Variants in SPRY3 observed in about 807,000 individuals in gnomAD.
The protein encoded by SPRY3 is sprouty RTK signaling antagonist 3.
Under a neutral mutation model 20.2 loss-of-function variants are expected in SPRY3, and 15 were observed. The ratio of observed to expected loss-of-function variants is 0.74; its 90% CI spans 0.50 to 1.14. The LOEUF is 1.14. SPRY3 is among the 50% of genes most tolerant of loss of function. The pLI, the probability that SPRY3 is intolerant of heterozygous loss-of-function variation, is 0.00. For missense variants in SPRY3, 364 were observed against 363.9 expected (o/e 1.00, Z 0.00); for synonymous variants, 143 against 136.5 (o/e 1.05, Z -0.33).
At chrX:155,754,960 T>TTGTG (rs751529683) in intron 2 of SPRY3, among the ~76,000 whole-genome samples, 45 of 151,264 alleles carry the variant, frequency 3.0e-4, no homozygotes, top group South Asian at 2.1e-4. Flanking sequence ...GTAGCTGAAC[T>TTGTG]TGTGTGTGTG....
At chrX:155,623,161 C>A (rs1282868358) in intron 1 of SPRY3, among the ~76,000 whole-genome samples, 2 of 111,589 alleles carry the variant, frequency 1.8e-5, no homozygotes, top group Admixed American at 9.5e-5. Flanking sequence ...GATACTGGGC[C>A]AAATTTCACA....
chrX:155,690,018 T>A lies in SPRY3; in HGVS notation c.-282+32993T>A, dbSNP rs908038954. On this transcript the variant is annotated intron_variant, in intron 2 of 3. Transcript: ENST00000675360. ...GTTCCAGAGATTCTGGTATGTTGTG[T>A]CTTTGTTCTCATCAGTTTCAAAGAG... 3.8e-4 allele frequency among the ~76,000 whole-genome samples: 34 copies of A among 88,590 alleles called. 5 individuals are homozygous for A. The highest frequency in any genetic ancestry group is 1.8e-3 in the African/African-American group (33 of 18,479). 76.9% of individuals were successfully genotyped at this position (88,590 alleles called of 115,157 possible). A position where few individuals can be genotyped will look rare whatever the true frequency, so the allele number is the denominator to read the frequency against.
At chrX:155,716,207 C>G (rs2091021259) in intron 2 of SPRY3, among the ~76,000 whole-genome samples, 1 of 152,178 alleles carries the variant, frequency 6.6e-6, no homozygotes, top group East Asian at 1.9e-4. Flanking sequence ...TTCTATCACT[C>G]TGTCTTTAGG....
intron 2 of SPRY3, among the ~76,000 whole-genome samples, chrX:155,716,805 C>A (rs1220043578): frequency 1.3e-5 from 2 of 151,078 alleles, no homozygotes. Context: ...TAACTGTAGT[C>A]CATAAGTCTT....
chrX:155,722,046 A>C (rs970842233), intron 2 of SPRY3, among the ~76,000 whole-genome samples: 1 of 114,924 alleles, frequency 8.7e-6, no homozygotes, highest in Non-Finnish European at 1.6e-5. Context: ...AAATAGGAAC[A>C]AAAAAAATTA....
Position 155,773,972 on chromosome X carries a change from C to T in SPRY3, c.101C>T (p.Pro34Leu), listed in dbSNP as rs769730600. 25 of 1,613,882 alleles carry T rather than the reference C, an allele frequency of 1.5e-5. No individual in the cohort carries two copies. The East Asian group carries it at 5.6e-4, about 36-fold the overall frequency. Residue 34 changes from proline (P) to leucine (L), a missense_variant, in exon 4 of 4, where the codon CCC (proline) becomes CTC (leucine). Coordinates refer to ENST00000675360, the Ensembl canonical transcript of SPRY3. ...GACTACGTGGAACGGCCTCCAGCCCCCTGTAAACAGGCCCTCTCCAGCCCT... is the reference window on the plus strand; with the variant it reads ...GACTACGTGGAACGGCCTCCAGCCCTCTGTAAACAGGCCCTCTCCAGCCCT...
At chrX:155,666,345 G>A (rs1049293968) in intron 2 of SPRY3, among the ~76,000 whole-genome samples, 2 of 111,719 alleles carry the variant, frequency 1.8e-5, no homozygotes, top group South Asian at 7.4e-4. Context: ...ACCAGGGTAA[G>A]AACTGAATTA....
At chrX:155,746,300 C>T (rs540509556) in intron 2 of SPRY3, among the ~76,000 whole-genome samples, 2 of 152,166 alleles carry the variant, frequency 1.3e-5, no homozygotes, top group Middle Eastern at 3.4e-3. Context: ...TTGATTCAGA[C>T]ACTGTAGCTA....
chrX:155,740,834 C>A (rs185156631), intron 2 of SPRY3, among the ~76,000 whole-genome samples: 1 of 151,966 alleles, frequency 6.6e-6, no homozygotes, highest in Non-Finnish European at 1.5e-5. Context: ...CATACACCCC[C>A]TCCCCTTTTG....
At chrX:155,684,496 G>T (rs752641104) in intron 2 of SPRY3, among the ~76,000 whole-genome samples, 1 of 111,672 alleles carries the variant, frequency 9.0e-6, no homozygotes, top group Non-Finnish European at 1.9e-5. Flanking sequence ...AATTCAATTG[G>T]AATGTAGAAA....
At chrX:155,718,111 A>AT (rs2091034365) in intron 2 of SPRY3, among the ~76,000 whole-genome samples, 1 of 152,104 alleles carries the variant, frequency 6.6e-6, no homozygotes, top group East Asian at 1.9e-4. Flanking sequence ...TTGCTTCTCT[A>AT]TTTTTTGTTT....
chrX:155,753,998 GAT>G (rs1228819792), intron 2 of SPRY3, among the ~76,000 whole-genome samples: 3 of 151,888 alleles, frequency 2.0e-5, no homozygotes, highest in African/African-American at 7.3e-5. Flanking sequence ...TTCCTTATCA[GAT>G]ATATGACTGG....
chrX:155,640,948 G>T (rs1325439902), intron 1 of SPRY3, among the ~76,000 whole-genome samples: 1 of 111,378 alleles, frequency 9.0e-6, no homozygotes, highest in Non-Finnish European at 1.9e-5. Flanking sequence ...CTCTAGCTAG[G>T]ACTTGCAGTA....
chrX:155,748,996 G>A (rs777091442), intron 2 of SPRY3, among the ~76,000 whole-genome samples: 1 of 151,742 alleles, frequency 6.6e-6, no homozygotes, highest in Non-Finnish European at 1.5e-5. Context: ...AATGGTTAAA[G>A]AAATAGTATG....
At chrX:155,732,834 T>A (rs892450235) in intron 2 of SPRY3, among the ~76,000 whole-genome samples, 4 of 152,040 alleles carry the variant, frequency 2.6e-5, no homozygotes, top group Non-Finnish European at 2.9e-5. Context: ...TACGAGATCC[T>A]GTCATTTGCA....
intron 2 of SPRY3, among the ~76,000 whole-genome samples, chrX:155,668,607 G>T (rs1482323095): frequency 2.7e-5 from 3 of 110,397 alleles, no homozygotes; most frequent in African/African-American, 9.8e-5. Flanking sequence ...AGCTCCTGAG[G>T]TAATTCTTAT....
intron 2 of SPRY3, among the ~76,000 whole-genome samples, chrX:155,699,548 T>C (rs1414346748): frequency 1.8e-5 from 2 of 111,424 alleles, no homozygotes; most frequent in Non-Finnish European, 3.8e-5. Flanking sequence ...GTAGCTATGC[T>C]GGAGGAACAA....
chrX:155,767,723 AG>A (rs1387644903), intron 2 of SPRY3: 1 of 71,932 alleles, frequency 1.4e-5, no homozygotes, highest in Non-Finnish European at 2.6e-5. Flanking sequence ...GAGGAGAAAG[AG>A]GAGGAGGAGG....
intron 2 of SPRY3, among the ~76,000 whole-genome samples, chrX:155,696,220 C>T (rs2068118033): frequency 9.3e-6 from 1 of 107,581 alleles, no homozygotes; most frequent in African/African-American, 3.4e-5. Flanking sequence ...ACAACACACA[C>T]ACACACACAC....
Sources: allele counts gnomAD v4.1 joint callset (sites outside exome capture counted in the v4.1 genomes callset), GRCh38; gene constraint gnomAD v4.1.1; transcripts MANE v1.5; gene names NCBI Gene and HGNC (gene_info 2026-07-23, HGNC 2026-07-21).